BTBD2: variants seen among roughly 807,000 people sequenced by gnomAD.
The protein encoded by BTBD2 is BTB/POZ domain-containing protein 2.
A neutral mutation model predicts 44.0 loss-of-function variants in BTBD2; 15 were observed. That is an observed-to-expected ratio of 0.34 (90% CI 0.23 to 0.53). BTBD2 has a LOEUF of 0.53. Among genes scored for constraint, BTBD2 ranks in the 20% least tolerant of loss-of-function variants. The pLI is 0.95. For missense variants in BTBD2, 657 were observed against 746.4 expected, an observed-to-expected ratio of 0.88 and a Z score of 1.39; for synonymous variants, 443 against 335.9, an observed-to-expected ratio of 1.32 and a Z score of -3.49.
At chr19:1,987,282 TGGATACCCAG>T (rs760401007) in intron 6 of BTBD2, 29 bp from the exon 7 acceptor site, 1,883 of 1,610,202 alleles carry the variant, frequency 1.2e-3, no homozygotes, top group Non-Finnish European at 1.5e-3. Context: ...GGCAGCAGCG[TGGATACCCAG>T]GGATAGCCTA....
At chr19:1,994,864 C>T (rs999350800) in intron 2 of BTBD2, among the ~76,000 whole-genome samples, 2 of 152,196 alleles carry the variant, frequency 1.3e-5, no homozygotes, top group African/African-American at 4.8e-5. Flanking sequence ...AACATTTTCC[C>T]TAAGTCCAAT....
rs1453283989 is a variant in BTBD2, at chr19:1,992,393, C to A, written c.684+627G>T. Among the ~76,000 whole-genome samples, 11 of 152,114 alleles carry A rather than the reference C, an allele frequency of 7.2e-5. No homozygotes were observed. The East Asian group carries it at 2.1e-3, about 30-fold the overall frequency. ...GGGATTACAGGCATGAACCACAGTG[C>A]CCGGCCTGAATCTTTTTTTAATTTT... On this transcript the variant is annotated intron_variant, in intron 3 of 8. Coordinates refer to ENST00000255608, the MANE Select transcript of BTBD2 (RefSeq NM_017797.4).
At chr19:1,999,874 A>G (rs1029710231) in intron 1 of BTBD2, among the ~76,000 whole-genome samples, 19 of 151,444 alleles carry the variant, frequency 1.3e-4, no homozygotes, top group Admixed American at 3.3e-4. Context: ...AGGCAGGAGA[A>G]TTGCTTGAAC....
chr19:1,987,619 C>T lies in BTBD2; in HGVS notation c.1062G>A (p.Lys354=). The change falls in exon 6 of 9, where the codon AAG becomes AAA. Residue 354 remains lysine (K), a synonymous_variant. Transcript: ENST00000255608. ...SLFLHFTVNP[K]PRVEFIDRPR... ...GCCGGTCAATGAACTCCACTCGTGG[C>T]TTGGGGTTGACGGTGAAGTGCAGGA... The T allele has an allele frequency of 6.2e-7, 1 of 1,612,688 alleles. No homozygotes were observed. Among genetic ancestry groups the T allele is most frequent in the South Asian group, 1.1e-5 (1 of 90,962 alleles).
intron 1 of BTBD2, among the ~76,000 whole-genome samples, chr19:2,005,458 G>A (rs948159812): frequency 5.9e-5 from 9 of 152,018 alleles, no homozygotes; most frequent in Non-Finnish European, 1.3e-4. Flanking sequence ...CGGGACTAGG[G>A]CGTGCACCAC....
At chr19:2,001,621 G>A (rs894869365) in intron 1 of BTBD2, among the ~76,000 whole-genome samples, 1 of 152,244 alleles carries the variant, frequency 6.6e-6, no homozygotes. Flanking sequence ...GAACCTCCAA[G>A]CTGGTGACTT....
chr19:1,991,906 TTC>T (rs1342624415), intron 3 of BTBD2: 1 of 151,826 alleles, frequency 6.6e-6, no homozygotes, highest in East Asian at 1.9e-4. Flanking sequence ...AGAGAGAAAG[TTC>T]TCTCTGGTTT....
chr19:2,012,859 C>T (rs140576427), intron 1 of BTBD2, among the ~76,000 whole-genome samples: 3 of 152,262 alleles, frequency 2.0e-5, no homozygotes, highest in African/African-American at 7.2e-5. Context: ...CCGGGGCGCC[C>T]CACCTCCCCC....
chr19:1,998,971 A>G (rs202214645), intron 1 of BTBD2, among the ~76,000 whole-genome samples: 1 of 151,852 alleles, frequency 6.6e-6, no homozygotes, highest in Non-Finnish European at 1.5e-5. Flanking sequence ...CAGCCTCCCC[A>G]CGCCCGGAAA....
At chr19:1,987,766 CT>C (rs1408515669) in intron 5 of BTBD2, 74 bp from the exon 6 acceptor site, 15 of 1,414,440 alleles carry the variant, frequency 1.1e-5, no homozygotes, top group Non-Finnish European at 1.3e-5. Flanking sequence ...GGACACGCTC[CT>C]TCCCCCTAAG....
At chr19:1,997,099 G>C (rs2016260877) in intron 2 of BTBD2, among the ~76,000 whole-genome samples, 3 of 151,744 alleles carry the variant, frequency 2.0e-5, no homozygotes, top group Non-Finnish European at 4.4e-5. Flanking sequence ...AAAATCACTT[G>C]AACCTGGAAG....
At chr19:2,005,580 G>C (rs551188656) in intron 1 of BTBD2, among the ~76,000 whole-genome samples, 2 of 151,586 alleles carry the variant, frequency 1.3e-5, no homozygotes, top group African/African-American at 2.4e-5. Context: ...TCAGGAGTTC[G>C]AGACCAGCCT....
chr19:1,990,696 C>T lies in BTBD2; in HGVS notation c.790+21G>A, dbSNP rs776004357. The T allele has an allele frequency of 5.1e-6, 8 of 1,575,726 alleles. No individual in the cohort carries two copies. In the East Asian group the frequency reaches 1.2e-4, roughly 23 times the overall value. On this transcript the variant is annotated intron_variant, in intron 4 of 8. Transcript: ENST00000255608. The stretch of plus-strand genomic sequence containing the variant: ...CCGAGGCCCCGCTGGGATTCCCACA[C>T]CTGGGCTCCTGGGCCCTTACCCAGG...
intron 1 of BTBD2, chr19:2,003,638 C>G (rs1182172976): frequency 6.6e-6 from 1 of 151,140 alleles, no homozygotes; most frequent in African/African-American, 2.4e-5. Context: ...TGTGGTGATG[C>G]ATGCCTGTAA....
intron 1 of BTBD2, among the ~76,000 whole-genome samples, chr19:2,010,773 G>C (rs1372422424): frequency 6.6e-6 from 1 of 152,042 alleles, no homozygotes; most frequent in African/African-American, 2.4e-5. Context: ...TGAGTAGCTG[G>C]GATTACAGGT....
rs761676488 is a variant in BTBD2 at position 1,986,566 on chromosome 19, G to T, written c.1500C>A (p.Thr500=). 1.2e-6 allele frequency: 2 copies of T among 1,613,988 alleles called. No individual in the cohort carries two copies. The highest frequency in any genetic ancestry group is 1.7e-6 in the Non-Finnish European group (2 of 1,179,988). Residue 500 remains threonine, a synonymous_variant, in exon 9 of 9, where the codon ACC becomes ACA. Coordinates refer to ENST00000255608, the MANE Select transcript of BTBD2 (RefSeq NM_017797.4). ...SPTTGAKTCF[T]FCYAAGNNNG... ...TGTTGTTCCCGGCCGCGTAGCAAAA[G>T]GTGAAGCAGGTCTTGGCGCCCGTGG...
At chr19:1,988,772 C>T (rs1489545021) in intron 5 of BTBD2, among the ~76,000 whole-genome samples, 1 of 151,978 alleles carries the variant, frequency 6.6e-6, no homozygotes, top group Non-Finnish European at 1.5e-5. Context: ...CCCAGCTAAT[C>T]TTGTATTTTT....
chr19:2,009,361 G>A (rs1233492186), intron 1 of BTBD2, among the ~76,000 whole-genome samples: 1 of 151,854 alleles, frequency 6.6e-6, no homozygotes, highest in Admixed American at 6.6e-5. Context: ...GCCACACCAG[G>A]CTAATTTTTT....
Position 1,990,718 on chromosome 19 carries a change from C to G in BTBD2, c.789G>C (p.Leu263=). The G allele has an allele frequency of 1.9e-6, 3 of 1,597,660 alleles. No homozygotes were observed. The highest frequency in any genetic ancestry group is 1.7e-6 in the Non-Finnish European group (2 of 1,172,648). ...ACACCTGGGCTCCTGGGCCCTTACCCAGGTCAATGTCGGTGAAGCCCTCCG... is the reference window on the plus strand; with the variant it reads ...ACACCTGGGCTCCTGGGCCCTTACCGAGGTCAATGTCGGTGAAGCCCTCCG... ...ITAEGFTDID[L]DTLVAVLERD... is the part of the protein sequence containing the mutation. Residue 263 remains leucine (L), a splice_region_variant and synonymous_variant, in exon 4 of 9, where the codon CTG becomes CTC. Coordinates refer to ENST00000255608, the MANE Select transcript of BTBD2 (RefSeq NM_017797.4).
Sources: gnomAD v4.1 joint callset for allele counts (sites outside exome capture counted in the v4.1 genomes callset) on GRCh38, gnomAD v4.1.1 for gene constraint, MANE v1.5 for transcripts, NCBI Gene and HGNC (gene_info 2026-07-23, HGNC 2026-07-21) for gene names.